MTDH: variants seen among roughly 807,000 people sequenced by gnomAD.
MTDH encodes metadherin.
MTDH carries 34 observed loss-of-function variants against 72.7 expected under a neutral mutation model. That is an observed-to-expected ratio of 0.47 (90% CI 0.36 to 0.62). MTDH has a LOEUF of 0.62. MTDH is among the 20% of genes least tolerant of loss of function. The probability of loss-of-function intolerance (pLI) is 0.00; values close to 1 mark genes in which losing one functional copy is unlikely to be tolerated. For synonymous variants in MTDH, 266 were observed against 268.9 expected, an observed-to-expected ratio of 0.99 and a Z score of 0.10; for missense variants, 677 against 699.4, an observed-to-expected ratio of 0.97 and a Z score of 0.36.
intron 10 of MTDH, among the ~76,000 whole-genome samples, chr8:97,720,619 A>G (rs543556256): frequency 5.8e-4 from 86 of 149,226 alleles, no homozygotes; most frequent in Non-Finnish European, 1.1e-3. Flanking sequence ...GTGTGTGTGT[A>G]TAATAAATAG....
rs199933545 is a variant in MTDH, at chr8:97,718,527, T to G, written c.1381-522T>G. 6.8e-4 allele frequency among the ~76,000 whole-genome samples: 38 copies of G among 55,514 alleles called. No homozygotes were observed. The East Asian group carries it at 0.015, about 22-fold the overall frequency. 36.4% of individuals were successfully genotyped at this position (55,514 alleles called of 152,430 possible). A position where few individuals can be genotyped will look rare whatever the true frequency, so the allele number is the denominator to read the frequency against. On this transcript the variant is annotated intron_variant, in intron 9 of 11. Coordinates refer to ENST00000336273, the MANE Select transcript of MTDH (RefSeq NM_178812.4). ...TTTGTTTTTGTTTTTGTTTTTTTTG[T>G]TTTTTTTTTGTGAGACAGAGTTTTC...
intron 2 of MTDH, among the ~76,000 whole-genome samples, chr8:97,671,401 T>G (rs552559508): frequency 6.6e-6 from 1 of 152,296 alleles, no homozygotes; most frequent in East Asian, 1.9e-4. Context: ...AGGTAGACAT[T>G]AAAGATATTT....
At chr8:97,664,371 G>A (rs1034860682) in intron 2 of MTDH, among the ~76,000 whole-genome samples, 1 of 151,860 alleles carries the variant, frequency 6.6e-6, no homozygotes, top group African/African-American at 2.4e-5. Flanking sequence ...AAAAAAAATG[G>A]ATGCAGTTTC....
At position 97,683,684 on chromosome 8, in the gene MTDH, G is replaced by A. The variant is rs538799526; in HGVS notation, c.484-2984G>A. On this transcript the variant is annotated intron_variant, in intron 2 of 11. Transcript: ENST00000336273. ...GCTGGGATTACAGGTGTAAACCACC[G>A]CACTCAGCAATCTTAAACACTTTTT... is the stretch of plus-strand genomic sequence containing the variant. 5.3e-5 allele frequency among the ~76,000 whole-genome samples: 8 copies of A among 152,096 alleles called. No homozygotes were observed. The East Asian group carries it at 5.8e-4, about 11-fold the overall frequency.
intron 2 of MTDH, among the ~76,000 whole-genome samples, chr8:97,671,463 A>G (rs765840331): frequency 1.7e-4 from 26 of 152,148 alleles, no homozygotes; most frequent in Non-Finnish European, 3.1e-4. Flanking sequence ...TGTTTTGAAA[A>G]ATATATAGGT....
At chr8:97,667,353 T>C (rs1367404882) in intron 2 of MTDH, among the ~76,000 whole-genome samples, 1 of 152,204 alleles carries the variant, frequency 6.6e-6, no homozygotes, top group Non-Finnish European at 1.5e-5. Context: ...GCAGCAAAAA[T>C]TATTATTAGC....
At chr8:97,654,130 G>T (rs1202182034) in intron 1 of MTDH, among the ~76,000 whole-genome samples, 1 of 152,026 alleles carries the variant, frequency 6.6e-6, no homozygotes, top group Admixed American at 6.6e-5. Flanking sequence ...GAAAGCACAG[G>T]GATCTTTACC....
At chr8:97,675,169 C>G (rs549733777) in intron 2 of MTDH, among the ~76,000 whole-genome samples, 123 of 152,254 alleles carry the variant, frequency 8.1e-4, no homozygotes, top group Non-Finnish European at 4.9e-4. Flanking sequence ...CCATGAAAAT[C>G]TTTAGATGTT....
intron 8 of MTDH, 132 bp downstream of exon 8, chr8:97,706,882 C>G: frequency 4.1e-6 from 4 of 975,708 alleles, no homozygotes; most frequent in Non-Finnish European, 5.7e-6. Flanking sequence ...AGTTCAAGGC[C>G]AGCCTGGGCA....
intron 9 of MTDH, among the ~76,000 whole-genome samples, chr8:97,717,888 T>C (rs1734531243): frequency 6.6e-6 from 1 of 152,008 alleles, no homozygotes; most frequent in Admixed American, 6.6e-5. Flanking sequence ...TAGCTGGGAT[T>C]ACAGATGTGT....
intron 11 of MTDH, among the ~76,000 whole-genome samples, chr8:97,724,135 C>A (rs956082065): frequency 6.6e-6 from 1 of 152,192 alleles, no homozygotes; most frequent in Admixed American, 6.6e-5. Context: ...CTATCTATCT[C>A]TGAAGGAGAG....
At chr8:97,718,467 A>C (rs1257028346) in intron 9 of MTDH, among the ~76,000 whole-genome samples, 1 of 151,956 alleles carries the variant, frequency 6.6e-6, no homozygotes, top group Non-Finnish European at 1.5e-5. Flanking sequence ...TTATTCCTTG[A>C]AGTTGTTAAG....
At chr8:97,660,227 C>G (rs1442269073) in intron 1 of MTDH, among the ~76,000 whole-genome samples, 2 of 152,214 alleles carry the variant, frequency 1.3e-5, no homozygotes, top group East Asian at 3.8e-4. Flanking sequence ...CTTGAGTCTA[C>G]TCATGAGCAT....
At chr8:97,688,522 A>G (rs948501932) in intron 4 of MTDH, among the ~76,000 whole-genome samples, 2 of 152,082 alleles carry the variant, frequency 1.3e-5, no homozygotes, top group African/African-American at 4.8e-5. Flanking sequence ...GTTTTTTTAA[A>G]CATTGTGATC....
chr8:97,671,503 T>A (rs1812621041), intron 2 of MTDH, among the ~76,000 whole-genome samples: 1 of 152,172 alleles, frequency 6.6e-6, no homozygotes, highest in Non-Finnish European at 1.5e-5. Context: ...TTTATGATTA[T>A]TTTGTTATAA....
At position 97,655,187 on chromosome 8, in the gene MTDH, A is replaced by G. The variant is rs534516169; in HGVS notation, c.382-5885A>G. 7.9e-5 allele frequency among the ~76,000 whole-genome samples: 12 copies of G among 152,356 alleles called. No homozygotes were observed. The South Asian group carries it at 2.5e-3, about 32-fold the overall frequency. On this transcript the variant is annotated intron_variant, in intron 1 of 11. Coordinates refer to ENST00000336273, the MANE Select transcript of MTDH (RefSeq NM_178812.4). ...ATCCTGGTCTCCCAGCCTGCTTTCAAAACCTGTACTCTTGAGAGTGTGAGG... is the reference window on the plus strand; with the variant it reads ...ATCCTGGTCTCCCAGCCTGCTTTCAGAACCTGTACTCTTGAGAGTGTGAGG...
chr8:97,645,988 G>A (rs1424437624), intron 1 of MTDH, among the ~76,000 whole-genome samples: 1 of 152,172 alleles, frequency 6.6e-6, no homozygotes, highest in Admixed American at 6.5e-5. Flanking sequence ...AGGTATACAC[G>A]TAGAGTCAGT....
In MTDH at chr8:97,672,894, A is replaced by T. The variant is rs1409277103; in HGVS notation, c.483+11721A>T. Among the ~76,000 whole-genome samples the T allele has an allele frequency of 2.6e-5, 4 of 152,312 alleles. No homozygotes were observed. In the East Asian group the frequency reaches 7.7e-4, roughly 29 times the overall value. On this transcript the variant is annotated intron_variant, in intron 2 of 11. Coordinates refer to ENST00000336273, the MANE Select transcript of MTDH (RefSeq NM_178812.4). ...AGCCATGTTGCTTGTGCCGTGTGCTATGTCCTATGAGCCCACTCCAGACAT... is the reference window on the plus strand; with the variant it reads ...AGCCATGTTGCTTGTGCCGTGTGCTTTGTCCTATGAGCCCACTCCAGACAT...
At chr8:97,721,853 G>C (rs1156362159) in intron 10 of MTDH, among the ~76,000 whole-genome samples, 1 of 152,172 alleles carries the variant, frequency 6.6e-6, no homozygotes, top group Non-Finnish European at 1.5e-5. Context: ...TACCAGACTG[G>C]ATAAAACACT....
Sources: allele counts gnomAD v4.1 joint callset (sites outside exome capture counted in the v4.1 genomes callset), GRCh38; gene constraint gnomAD v4.1.1; transcripts MANE v1.5; gene names NCBI Gene and HGNC (gene_info 2026-07-23, HGNC 2026-07-21).